The following TVP23C variants were observed in gnomAD, a reference collection of about 807,000 sequenced individuals.
The protein encoded by TVP23C is trans-golgi network vesicle protein 23 homolog C, also known as Golgi apparatus membrane protein TVP23 homolog C.
A neutral mutation model predicts 28.7 loss-of-function variants in TVP23C; 19 were observed. The observed-to-expected ratio is 0.66, with a 90% CI of 0.46 to 0.97. TVP23C has a LOEUF of 0.97. Among genes scored for constraint, TVP23C ranks in the 50% least tolerant of loss-of-function variants. TVP23C has a pLI of 0.00. For missense variants in TVP23C, 186 were observed against 241.3 expected (o/e 0.77, Z 1.52); for synonymous variants, 68 against 81.7 (o/e 0.83, Z 0.90).
intron 5 of TVP23C, among the ~76,000 whole-genome samples, chr17:15,516,097 T>C (rs1007902503): frequency 7.2e-5 from 11 of 152,336 alleles, no homozygotes; most frequent in Admixed American, 1.3e-4. Flanking sequence ...GTTCTCATGC[T>C]TCCTGTACAG....
At chr17:15,533,337 TAATGTACCCACTACA>T (rs1244042183), downstream of TVP23C, among the ~76,000 whole-genome samples, 3 of 152,204 alleles carry the variant, frequency 2.0e-5, no homozygotes, top group African/African-American at 7.2e-5. Flanking sequence ...TAATTACCAT[TAATGTACCCACTACA>T]AATGCAGACT....
At chr17:15,519,641 T>C (rs529983284) in intron 5 of TVP23C, among the ~76,000 whole-genome samples, 1 of 152,284 alleles carries the variant, frequency 6.6e-6, no homozygotes, top group South Asian at 2.1e-4. Context: ...CCAGGCGCGG[T>C]GGCTCACACC....
intron 2 of TVP23C, among the ~76,000 whole-genome samples, chr17:15,554,345 G>A (rs146499793): frequency 0.012 from 1,696 of 144,424 alleles, 34 homozygotes; most frequent in African/African-American, 0.041. Context: ...TCACGCCATT[G>A]TCCTGCCTCA....
At chr17:15,504,659 C>T (rs765634637) in intron 5 of TVP23C, among the ~76,000 whole-genome samples, 1 of 152,148 alleles carries the variant, frequency 6.6e-6, no homozygotes, top group Non-Finnish European at 1.5e-5. Flanking sequence ...ACTTCCTGGG[C>T]TCAAGCTGGG....
intron 1 of TVP23C, chr17:15,563,047 G>A (rs1054734437): frequency 7.0e-6 from 2 of 285,954 alleles, no homozygotes; most frequent in African/African-American, 4.3e-5. Context: ...ATTTGAAAGC[G>A]AGGCTCTGGC....
chr17:15,549,524 C>G (rs1017778993), intron 3 of TVP23C, among the ~76,000 whole-genome samples: 1 of 151,942 alleles, frequency 6.6e-6, no homozygotes, highest in African/African-American at 2.4e-5. Context: ...ACTAAAAATA[C>G]AAAAATTCGC....
At chr17:15,502,793 CCTCTCTCCT>C (rs911003194) in exon 6 of TVP23C, 27 of 1,472,920 alleles carry the variant, frequency 1.8e-5, no homozygotes, top group African/African-American at 1.5e-4. Flanking sequence ...CTCCCTCTCT[CCTCTCTCCT>C]CTCTCTCCTC....
chr17:15,560,588 C>T (rs1355565953), intron 1 of TVP23C, among the ~76,000 whole-genome samples: 1 of 148,914 alleles, frequency 6.7e-6, no homozygotes, highest in Non-Finnish European at 1.5e-5. Context: ...TGTTTTGAGA[C>T]GGAGTCGCCC....
chr17:15,554,339 G>A (rs572570930), intron 2 of TVP23C, among the ~76,000 whole-genome samples: 368 of 147,730 alleles, frequency 2.5e-3, no homozygotes, highest in Non-Finnish European at 4.6e-3. Context: ...CTGGGTTCAC[G>A]CCATTGTCCT....
At position 15,540,494 on chromosome 17, in the gene TVP23C, C is replaced by T. The variant is rs776022058; in HGVS notation, c.530G>A (p.Arg177His). ...NLYGYIRCKVRSRKHLTSMAT... is the reference protein window; with the variant it reads ...NLYGYIRCKVHSRKHLTSMAT... ...CATGCTGGTTAAATGCTTTCTGCTG[C>T]GCACCTTACACCTGATGTAACCATA... The change falls in exon 6 of 6, where the codon CGC (arginine) becomes CAC (histidine). Residue 177 changes from arginine to histidine, a missense_variant. Arg to His is a conservative substitution (Grantham distance 29, BLOSUM62 0). Transcript: ENST00000518321. The T allele has an allele frequency of 7.4e-6, 12 of 1,612,016 alleles. No individual in the cohort carries two copies. Among genetic ancestry groups the T allele is most frequent in the East Asian group, 6.7e-5 (3 of 44,884 alleles).
At chr17:15,549,592 T>C (rs902468765) in intron 3 of TVP23C, among the ~76,000 whole-genome samples, 2 of 151,240 alleles carry the variant, frequency 1.3e-5, no homozygotes, top group Non-Finnish European at 1.5e-5. Flanking sequence ...GGCAGGAGAA[T>C]CACTTGAACC....
Position 15,537,834 on chromosome 17 carries a change from TG to T in TVP23C, c.*2577del. The T allele has an allele frequency of 8.2e-7, 1 of 1,213,010 alleles. No individual in the cohort carries two copies. The highest frequency in any genetic ancestry group is 4.1e-5 in the Admixed American group (1 of 24,222). The allele number at this position is 1,213,010 out of a possible 1,614,324, so 75.1% of individuals were successfully genotyped here. A position where few individuals can be genotyped will look rare whatever the true frequency, so the allele number is the denominator to read the frequency against. On this transcript the variant is annotated 3_prime_UTR_variant, in exon 6 of 6. Transcript: ENST00000518321. Reference sequence around the variant, plus strand: ...GTGTAAATGAACACTTTCATTAACTTGGGATATACAGGTATTACATGGCCGT... The same window carrying T: ...GTGTAAATGAACACTTTCATTAACTTGGATATACAGGTATTACATGGCCGT...
intron 5 of TVP23C, among the ~76,000 whole-genome samples, chr17:15,524,706 G>C (rs180995157): frequency 1.6e-4 from 23 of 140,060 alleles, no homozygotes; most frequent in African/African-American, 6.4e-4. Context: ...TGGGGTCCCA[G>C]AGGGATGCAC....
chr17:15,553,806 T>G lies in TVP23C; in HGVS notation c.119A>C (p.His40Pro), dbSNP rs780917147. 1 of 1,613,648 alleles carries G rather than the reference T, an allele frequency of 6.2e-7. No individual in the cohort carries two copies. Among genetic ancestry groups the G allele is most frequent in the South Asian group, 1.1e-5 (1 of 91,026 alleles). Reference sequence around the variant, plus strand: ...GATTGCACTGACTCGAAAGAATAAGTGGAAAAACGATGCTACTGGATGTCT... The same window carrying G: ...GATTGCACTGACTCGAAAGAATAAGGGGAAAAACGATGCTACTGGATGTCT... ...KIRHPVASFFHLFFRVSAIIV... is the reference protein window; with the variant it reads ...KIRHPVASFFPLFFRVSAIIV... The change falls in exon 3 of 6, where the codon CAC becomes CCC. Residue 40 changes from histidine (H) to proline (P), a missense_variant. Physicochemically the swap from His to Pro is moderately conservative, Grantham distance 77. Coordinates refer to ENST00000518321, the MANE Select transcript of TVP23C (RefSeq NM_001135036.2).
At chr17:15,523,242 C>T (rs1227641730) in intron 5 of TVP23C, among the ~76,000 whole-genome samples, 3 of 151,538 alleles carry the variant, frequency 2.0e-5, no homozygotes, top group Non-Finnish European at 2.9e-5. Context: ...TGAGCTCAGG[C>T]AGTCCACCCA....
rs868495511 is a variant in TVP23C, at chr17:15,558,735, C to T, written c.13-3371G>A. ...TGATTCTCCAGAACCCCTACCCACACCTTGATGTTTAACCCCTTGAGCCTC... is the reference window on the plus strand; with the variant it reads ...TGATTCTCCAGAACCCCTACCCACATCTTGATGTTTAACCCCTTGAGCCTC... On this transcript the variant is annotated intron_variant, in intron 1 of 5. Coordinates refer to ENST00000518321, the MANE Select transcript of TVP23C (RefSeq NM_001135036.2). Among the ~76,000 whole-genome samples, 3 of 149,018 alleles carry T rather than the reference C, an allele frequency of 2.0e-5. No homozygotes were observed. In the South Asian group the frequency reaches 6.6e-4, roughly 33 times the overall value.
Position 15,537,449 on chromosome 17 carries a change from G to GAAT in TVP23C, c.*2960_*2962dup. 1 of 985,170 alleles carries GAAT rather than the reference G, an allele frequency of 1.0e-6. No individual in the cohort carries two copies. The highest frequency in any genetic ancestry group is 1.2e-6 in the Non-Finnish European group (1 of 829,742). The allele number at this position is 985,170 out of a possible 1,614,324, so 61.0% of individuals were successfully genotyped here. On this transcript the variant is annotated 3_prime_UTR_variant, in exon 6 of 6. Transcript: ENST00000518321. ...AGCTATCCTTTCTGTAAAATAAATA[G>GAAT]AATAGCAGCAATCTCTGGGTATTCC...
At chr17:15,510,058 A>G (rs1299142862) in intron 5 of TVP23C, among the ~76,000 whole-genome samples, 1 of 151,410 alleles carries the variant, frequency 6.6e-6, no homozygotes, top group Non-Finnish European at 1.5e-5. Context: ...AAAAACAGCA[A>G]AAGTGCTACT....
intron 5 of TVP23C, among the ~76,000 whole-genome samples, chr17:15,505,208 C>G (rs111318089): frequency 6.6e-6 from 1 of 152,134 alleles, no homozygotes; most frequent in Non-Finnish European, 1.5e-5. Flanking sequence ...ACAAAAAAAA[C>G]CCCTGCATGT....
Sources: gnomAD v4.1 joint callset for allele counts (sites outside exome capture counted in the v4.1 genomes callset) on GRCh38, gnomAD v4.1.1 for gene constraint, MANE v1.5 for transcripts, NCBI Gene and HGNC (gene_info 2026-07-23, HGNC 2026-07-21) for gene names.